NOS2: variants seen among roughly 807,000 people sequenced by gnomAD.
The protein encoded by NOS2 is nitric oxide synthase, inducible.
A neutral mutation model predicts 136.0 loss-of-function variants in NOS2; 96 were observed. The observed-to-expected ratio is 0.71, with a 90% CI of 0.60 to 0.84. NOS2 has a LOEUF of 0.84. Among genes scored for constraint, NOS2 ranks in the 40% least tolerant of loss-of-function variants. The pLI is 0.00. For synonymous variants in NOS2, 539 were observed against 587.5 expected, an observed-to-expected ratio of 0.92 and a Z score of 1.20; for missense variants, 1,237 against 1,496.9, an observed-to-expected ratio of 0.83 and a Z score of 2.87.
chr17:27,785,867 G>A (rs1245755381), intron 5 of NOS2, among the ~76,000 whole-genome samples: 2 of 150,240 alleles, frequency 1.3e-5, no homozygotes, highest in Non-Finnish European at 3.0e-5. Context: ...GCTGTGGTGG[G>A]AGGATTACTT....
intron 7 of NOS2, among the ~76,000 whole-genome samples, chr17:27,781,469 C>T (rs563237753): frequency 6.6e-6 from 1 of 152,332 alleles, no homozygotes; most frequent in East Asian, 1.9e-4. Context: ...CTGTCTAGTG[C>T]AGGTCATAGG....
In NOS2 at chr17:27,783,714, G is replaced by C. The variant is rs527723579; in HGVS notation, c.468-608C>G. Among the ~76,000 whole-genome samples, 4 of 152,336 alleles carry C rather than the reference G, an allele frequency of 2.6e-5. No individual in the cohort carries two copies. In the East Asian group the frequency reaches 7.7e-4, roughly 29 times the overall value. ...TCTATTTTATAGCCAAGGATCTCAA[G>C]GCTCTAGGAGGTTAAGCACCAGGCC... On this transcript the variant is annotated intron_variant, in intron 5 of 26. Coordinates refer to ENST00000313735, the MANE Select transcript of NOS2 (RefSeq NM_000625.4).
intron 2 of NOS2, among the ~76,000 whole-genome samples, chr17:27,792,440 A>G (rs1026690560): frequency 6.6e-5 from 10 of 152,180 alleles, no homozygotes; most frequent in African/African-American, 2.4e-4. Flanking sequence ...TAATTGGACA[A>G]TTCTTTAAAT....
intron 5 of NOS2, among the ~76,000 whole-genome samples, chr17:27,786,929 A>G (rs1430679862): frequency 2.0e-5 from 3 of 152,246 alleles, no homozygotes; most frequent in Non-Finnish European, 4.4e-5. Context: ...TGTCTGACAC[A>G]AGGCTGAGGC....
At chr17:27,773,557 C>G (rs1908567258) in intron 12 of NOS2, among the ~76,000 whole-genome samples, 1 of 152,192 alleles carries the variant, frequency 6.6e-6, no homozygotes, top group Non-Finnish European at 1.5e-5. Flanking sequence ...AGGCAGATGA[C>G]ATAATGTACA....
In NOS2 at chr17:27,762,943, C is replaced by A. The variant is rs544849495; in HGVS notation, c.2655G>T (p.Glu885Asp). The A allele has an allele frequency of 4.4e-6, 7 of 1,606,034 alleles. No homozygotes were observed. The highest frequency in any genetic ancestry group is 5.9e-6 in the Non-Finnish European group (7 of 1,177,210). The change falls in exon 22 of 27, where the codon GAG (glutamate) becomes GAT (aspartate). Residue 885 changes from glutamate to aspartate, a missense_variant. Glu to Asp is a conservative substitution (Grantham distance 45). Coordinates refer to ENST00000313735, the MANE Select transcript of NOS2 (RefSeq NM_000625.4). Reference sequence around the variant, plus strand: ...CAGCAGACACCCGCAGGGACGGGAACTCCTCTAGCACCTCCAGGAATGTGG... The same window carrying A: ...CAGCAGACACCCGCAGGGACGGGAAATCCTCTAGCACCTCCAGGAATGTGG... ...NSPTFLEVLE[E>D]FPSLRVSAGF...
chr17:27,783,160 G>T (rs1311822061), intron 5 of NOS2, 54 bp from the exon 6 acceptor site: 3 of 1,576,932 alleles, frequency 1.9e-6, no homozygotes, highest in Non-Finnish European at 2.6e-6. Flanking sequence ...CTTACATGGG[G>T]ATTAATTCAA....
At chr17:27,789,998 A>C (rs2142525203) in intron 2 of NOS2, among the ~76,000 whole-genome samples, 2 of 152,362 alleles carry the variant, frequency 1.3e-5, no homozygotes, top group Admixed American at 1.3e-4. Flanking sequence ...CAAACGTGGC[A>C]CAGGGGCTGG....
Position 27,764,093 on chromosome 17 carries a change from G to A in NOS2, c.2480C>T (p.Ala827Val). 6.2e-7 allele frequency: 1 copy of A among 1,606,520 alleles called. No individual in the cohort carries two copies. The highest frequency in any genetic ancestry group is 8.5e-7 in the Non-Finnish European group (1 of 1,176,790). ...GGTGATGTCCAGGAAGTAGGTGAGG[G>A]CCTGGCTGAGTGAGCAGGGGGGCAG... ...KRLPPCSLSQALTYFLDITTP... is the reference protein window; with the variant it reads ...KRLPPCSLSQVLTYFLDITTP... The change falls in exon 21 of 27, where the codon GCC (alanine) becomes GTC (valine). Residue 827 changes from alanine (A) to valine (V), a missense_variant. Ala to Val is a moderately conservative substitution (Grantham distance 64). Around this residue, in one of 3 missense-constraint regions of NOS2, gnomAD observed 782 missense variants for 909.9 expected, o/e 0.86. Transcript: ENST00000313735.
rs776714965 is a variant in NOS2 at position 27,767,753 on chromosome 17, G to A, written c.2119C>T (p.His707Tyr). The A allele has an allele frequency of 6.2e-7, 1 of 1,613,524 alleles. No homozygotes were observed. The highest frequency in any genetic ancestry group is 1.7e-5 in the Admixed American group (1 of 60,026). ...LYTSNVTWDP[H>Y]HYRLVQDSQP... is the part of the protein sequence containing the mutation. ...GAGTCCTGCACGAGCCTGTAGTGGTGCGGGTCCCAGGTCACATTGGAGGTG... is the reference window on the plus strand; with the variant it reads ...GAGTCCTGCACGAGCCTGTAGTGGTACGGGTCCCAGGTCACATTGGAGGTG... The change falls in exon 18 of 27, where the codon CAC becomes TAC. Residue 707 changes from histidine (H) to tyrosine (Y), a missense_variant. Physicochemically the swap from His to Tyr is moderately conservative, Grantham distance 83 (BLOSUM62 2). Coordinates refer to ENST00000313735, the MANE Select transcript of NOS2 (RefSeq NM_000625.4).
chr17:27,785,568 T>C (rs1206336659), intron 5 of NOS2, among the ~76,000 whole-genome samples: 2 of 152,120 alleles, frequency 1.3e-5, no homozygotes, highest in Non-Finnish European at 2.9e-5. Context: ...GTAAGTCTAC[T>C]GTGCAGCCAG....
At chr17:27,782,427 G>A (rs1908881522) in intron 6 of NOS2, among the ~76,000 whole-genome samples, 1 of 152,148 alleles carries the variant, frequency 6.6e-6, no homozygotes, top group Non-Finnish European at 1.5e-5. Flanking sequence ...GATTGCCACA[G>A]CCCCAGGCTA....
intron 2 of NOS2, chr17:27,793,748 C>T: frequency 2.6e-6 from 1 of 389,424 alleles, no homozygotes; most frequent in Non-Finnish European, 4.5e-6. Context: ...CCAGCGCCCG[C>T]GCTTTATCGC....
chr17:27,769,180 G>A (rs1187758367), intron 16 of NOS2, 29 bp from the exon 17 acceptor site: 3 of 1,581,066 alleles, frequency 1.9e-6, no homozygotes, highest in African/African-American at 1.3e-5. Context: ...AGAGACACAT[G>A]TCCCATGCAA....
Position 27,767,799 on chromosome 17 carries a change from G to T in NOS2, c.2073C>A (p.His691Gln). 6.2e-7 allele frequency: 1 copy of T among 1,607,246 alleles called. No homozygotes were observed. The highest frequency in any genetic ancestry group is 1.7e-5 in the Admixed American group (1 of 59,500). ...CETFDVRGKQ[H>Q]IQIPKLYTSN... ...AGGTGTAGAGCTTGGGGATCTGAATGTGCTGTTTGCCTCGGACATCAAACG... is the reference window on the plus strand; with the variant it reads ...AGGTGTAGAGCTTGGGGATCTGAATTTGCTGTTTGCCTCGGACATCAAACG... The change falls in exon 18 of 27, where the codon CAC becomes CAA. Residue 691 changes from histidine to glutamine, a missense_variant. Physicochemically the swap from His to Gln is conservative, Grantham distance 24. Transcript: ENST00000313735.
intron 15 of NOS2, among the ~76,000 whole-genome samples, chr17:27,769,855 TG>T (rs1469436931): frequency 6.6e-6 from 1 of 152,194 alleles, no homozygotes; most frequent in African/African-American, 2.4e-5. Context: ...CATCCAGCCC[TG>T]GCAGAGGGGC....
chr17:27,774,346 A>T lies in NOS2; in HGVS notation c.1387T>A (p.Trp463Arg). The change falls in exon 12 of 27, where the codon TGG becomes AGG. Residue 463 changes from tryptophan to arginine, a missense_variant. Coordinates refer to ENST00000313735, the MANE Select transcript of NOS2 (RefSeq NM_000625.4). ...CTCCCAGACATGGGAGGGACCAGCC[A>T]AATCCAGTCTGCCGGGCAGCCCCCA... ...SRGGCPADWIWLVPPMSGSIT... is the reference protein window; with the variant it reads ...SRGGCPADWIRLVPPMSGSIT... 6.3e-7 allele frequency: 1 copy of T among 1,586,180 alleles called. No individual in the cohort carries two copies. The highest frequency in any genetic ancestry group is 1.2e-5 in the South Asian group (1 of 86,666).
At chr17:27,769,796 T>C (rs538897167) in intron 15 of NOS2, among the ~76,000 whole-genome samples, 1 of 152,340 alleles carries the variant, frequency 6.6e-6, no homozygotes, top group East Asian at 1.9e-4. Flanking sequence ...TAGCAACTTG[T>C]GTAGGCCCTG....
chr17:27,781,186 G>A lies in NOS2; in HGVS notation c.723-9C>T, dbSNP rs775192556. On this transcript the variant is annotated splice_polypyrimidine_tract_variant and intron_variant, in intron 7 of 26. Coordinates refer to ENST00000313735, the MANE Select transcript of NOS2 (RefSeq NM_000625.4). ...ACACGGTGATGGCCGACCTTCCCAG[G>A]ACAGGAACAGTACTGTTTACCACCT... 6.2e-7 allele frequency: 1 copy of A among 1,602,570 alleles called. No homozygotes were observed. The highest frequency in any genetic ancestry group is 8.5e-7 in the Non-Finnish European group (1 of 1,179,044).
Sources: allele counts gnomAD v4.1 joint callset (sites outside exome capture counted in the v4.1 genomes callset), GRCh38; gene constraint gnomAD v4.1.1; regional missense constraint gnomAD v4.1.1; transcripts MANE v1.5; gene names NCBI Gene and HGNC (gene_info 2026-07-23, HGNC 2026-07-21).